The following ARHGAP33 variants were observed in gnomAD, a reference collection of about 807,000 sequenced individuals.
ARHGAP33 encodes the protein Rho GTPase activating protein 33.
In ARHGAP33, 57 loss-of-function variants were observed where a neutral mutation model predicts 126.2. The observed-to-expected ratio is 0.45, with a 90% CI of 0.36 to 0.56. ARHGAP33 has a LOEUF of 0.56. ARHGAP33 is among the 20% of genes least tolerant of loss of function. The pLI, the probability that ARHGAP33 is intolerant of heterozygous loss-of-function variation, is 0.00. For synonymous variants in ARHGAP33, 711 were observed against 755.0 expected, an observed-to-expected ratio of 0.94 and a Z score of 0.95; for missense variants, 1,500 against 1,748.3, an observed-to-expected ratio of 0.86 and a Z score of 2.53.
chr19:35,785,360 G>A (rs1179057440), intron 18 of ARHGAP33, 26 bp downstream of exon 18: 12 of 1,614,040 alleles, frequency 7.4e-6, no homozygotes, highest in East Asian at 2.2e-5. Flanking sequence ...ATGGGCTGGT[G>A]GGCAGCGATG....
rs1338568810 is a variant in ARHGAP33, at chr19:35,787,307, A to G, written c.2742A>G (p.Gln914=). 1 of 1,612,552 alleles carries G rather than the reference A, an allele frequency of 6.2e-7. No homozygotes were observed. The highest frequency in any genetic ancestry group is 8.5e-7 in the Non-Finnish European group (1 of 1,179,488). ...LAERAQQVAE[Q]QSQQECGGTP... ...AGCGGGCTCAGCAGGTGGCCGAGCAACAGAGCCAGCAGGAGTGTGGGGGCA... is the reference window on the plus strand; with the variant it reads ...AGCGGGCTCAGCAGGTGGCCGAGCAGCAGAGCCAGCAGGAGTGTGGGGGCA... Residue 914 remains glutamine (Q), a synonymous_variant, in exon 21 of 21, where the codon CAA becomes CAG. Coordinates refer to ENST00000007510, the MANE Select transcript of ARHGAP33 (RefSeq NM_001366178.1).
chr19:35,786,316 C>T lies in ARHGAP33; in HGVS notation c.1943-97C>T. 1.4e-6 allele frequency: 2 copies of T among 1,448,324 alleles called. No homozygotes were observed. The highest frequency in any genetic ancestry group is 2.9e-5 in the South Asian group (2 of 68,966). 89.7% of individuals were successfully genotyped at this position (1,448,324 alleles called of 1,614,324 possible). A position where few individuals can be genotyped will look rare whatever the true frequency, so the allele number is the denominator to read the frequency against. ...CTTCCTGGCTTCACACTACTGTGGCCCTCTCCAGGAGGCGCCTCTTCATGT... is the reference window on the plus strand; with the variant it reads ...CTTCCTGGCTTCACACTACTGTGGCTCTCTCCAGGAGGCGCCTCTTCATGT... On this transcript the variant is annotated intron_variant, in intron 19 of 20. Coordinates refer to ENST00000007510, the MANE Select transcript of ARHGAP33 (RefSeq NM_001366178.1). This position sits in a 1 kb window ranked among gnomAD's most constrained non-coding sequence, Gnocchi z 7.0.
Position 35,787,333 on chromosome 19 carries a change from C to A in ARHGAP33, c.2768C>A (p.Thr923Asn). The change falls in exon 21 of 21, where the codon ACC (threonine) becomes AAC (asparagine). Residue 923 changes from threonine (T) to asparagine (N), a missense_variant. Around this residue, in one of 6 missense-constraint regions of ARHGAP33, gnomAD observed 642 missense variants for 634.0 expected, o/e 1.01. Coordinates refer to ENST00000007510, the MANE Select transcript of ARHGAP33 (RefSeq NM_001366178.1). ...EQQSQQECGGTPPASQSPFHR... is the reference protein window; with the variant it reads ...EQQSQQECGGNPPASQSPFHR... The stretch of plus-strand genomic sequence containing the variant: ...CAGAGCCAGCAGGAGTGTGGGGGCA[C>A]CCCACCTGCTTCCCAATCCCCCTTC... 3 of 1,611,586 alleles carry A rather than the reference C, an allele frequency of 1.9e-6. No individual in the cohort carries two copies. Among genetic ancestry groups the A allele is most frequent in the Non-Finnish European group, 2.5e-6 (3 of 1,178,886 alleles).
intron 19 of ARHGAP33, chr19:35,785,763 C>T (rs1285518947): frequency 6.3e-6 from 8 of 1,275,834 alleles, no homozygotes; most frequent in African/African-American, 1.5e-5. Flanking sequence ...CACCCATGAA[C>T]CCAGCAGCCA....
Position 35,780,192 on chromosome 19 carries a change from C to A in ARHGAP33, c.502-19C>A, listed in dbSNP as rs1034336650. On this transcript the variant is annotated intron_variant, in intron 6 of 20. Coordinates refer to ENST00000007510, the MANE Select transcript of ARHGAP33 (RefSeq NM_001366178.1). Reference sequence around the variant, plus strand: ...ACCGTCTTCTGACCTGTCCTTGCCACATTCCACCTCTATTTCAGCTGGACA... The same window carrying A: ...ACCGTCTTCTGACCTGTCCTTGCCAAATTCCACCTCTATTTCAGCTGGACA... 19 of 1,612,596 alleles carry A rather than the reference C, an allele frequency of 1.2e-5. No homozygotes were observed. The African/African-American group carries it at 2.4e-4, about 20-fold the overall frequency.
rs761978352 is a variant in ARHGAP33 at position 35,787,645 on chromosome 19, T to C, written c.3080T>C (p.Val1027Ala). ...TCCCCATGTTCTGTCCCCTCACAGGTTCCTACCCCCGGCTTCTTCTCCCCA... is the reference window on the plus strand; with the variant it reads ...TCCCCATGTTCTGTCCCCTCACAGGCTCCTACCCCCGGCTTCTTCTCCCCA... ...AQSPCSVPSQVPTPGFFSPAP... is the reference protein window; with the variant it reads ...AQSPCSVPSQAPTPGFFSPAP... The change falls in exon 21 of 21, where the codon GTT becomes GCT. Residue 1027 changes from valine (V) to alanine (A), a missense_variant. Coordinates refer to ENST00000007510, the MANE Select transcript of ARHGAP33 (RefSeq NM_001366178.1). The C allele has an allele frequency of 3.8e-6, 6 of 1,591,740 alleles. No individual in the cohort carries two copies. The highest frequency in any genetic ancestry group is 3.4e-5 in the South Asian group (3 of 87,752).
chr19:35,788,105 A>G lies in ARHGAP33; in HGVS notation c.3540A>G (p.Ser1180=), dbSNP rs751977187. Residue 1180 remains serine, a synonymous_variant, in exon 21 of 21, where the codon TCA becomes TCG. Transcript: ENST00000007510. ...TAGCTCTAGGGCCCAGGGGTCCCTC[A>G]CCTGCCTCTTCCTCCTCCTCTTCCC... ...VNLALGPRGP[S]PASSSSSSPP... 5.0e-6 allele frequency: 8 copies of G among 1,606,312 alleles called. No individual in the cohort carries two copies. Among genetic ancestry groups the G allele is most frequent in the Non-Finnish European group, 6.8e-6 (8 of 1,177,682 alleles).
Position 35,787,932 on chromosome 19 carries a change from G to T in ARHGAP33, c.3367G>T (p.Gly1123Cys). 6.3e-7 allele frequency: 1 copy of T among 1,587,212 alleles called. No homozygotes were observed. The highest frequency in any genetic ancestry group is 8.5e-7 in the Non-Finnish European group (1 of 1,170,984). The part of the protein sequence containing the change: ...DRLNASYGML[G>C]QSPPLHRSPD... ...GCTCAATGCCTCCTACGGCATGCTT[G>T]GCCAATCACCCCCACTCCACAGGTC... Residue 1123 changes from glycine to cysteine, a missense_variant, in exon 21 of 21, where the codon GGC (glycine) becomes TGC (cysteine). Physicochemically the swap from Gly to Cys is radical, Grantham distance 159. This residue lies in a region of ARHGAP33 where 642 missense variants were observed against 634.0 expected (regional missense o/e 1.01). Coordinates refer to ENST00000007510, the MANE Select transcript of ARHGAP33 (RefSeq NM_001366178.1).
Position 35,782,858 on chromosome 19 carries a change from C to A in ARHGAP33, c.1410C>A (p.Pro470=). 1 of 1,611,954 alleles carries A rather than the reference C, an allele frequency of 6.2e-7. No homozygotes were observed. The highest frequency in any genetic ancestry group is 2.2e-5 in the East Asian group (1 of 44,728). Reference sequence around the variant, plus strand: ...GCAACCTGGCCATTGTCTGGGCACCCAACCTGCTACGGTGAGCTGCTTGCT... The same window carrying A: ...GCAACCTGGCCATTGTCTGGGCACCAAACCTGCTACGGTGAGCTGCTTGCT... The part of the protein sequence containing the change: ...HARNLAIVWA[P]NLLRSMELES... Residue 470 remains proline, a synonymous_variant, in exon 15 of 21, where the codon CCC becomes CCA. Coordinates refer to ENST00000007510, the MANE Select transcript of ARHGAP33 (RefSeq NM_001366178.1). The surrounding 1 kb of genome is among the most constrained non-coding windows in gnomAD (Gnocchi z 4.1).
At chr19:35,777,165 G>A (rs231227) in intron 1 of ARHGAP33, among the ~76,000 whole-genome samples, 73,645 of 151,972 alleles carry the variant, frequency 0.48, 18,981 homozygotes, top group East Asian at 0.75. Context: ...TTCAGACTTC[G>A]TCTTGAAGAC....
chr19:35,781,535 A>C (rs924824358), intron 12 of ARHGAP33, among the ~76,000 whole-genome samples: 1 of 152,216 alleles, frequency 6.6e-6, no homozygotes, highest in Non-Finnish European at 1.5e-5. Flanking sequence ...GGCTAGAGGA[A>C]GAGACAAACA....
rs769143242 is a variant in ARHGAP33, at chr19:35,787,787, C to T, written c.3222C>T (p.Gly1074=). 30 of 1,577,968 alleles carry T rather than the reference C, an allele frequency of 1.9e-5. No homozygotes were observed. Among genetic ancestry groups the T allele is most frequent in the Non-Finnish European group, 2.4e-5 (28 of 1,166,884 alleles). ...SPAPVWRSSL[G]PPAPLDRGEN... is the part of the protein sequence containing the mutation. ...CCCCAGTCTGGAGGAGCTCTCTGGGCCCCCCTGCACCACTCGACAGGGGAG... is the reference window on the plus strand; with the variant it reads ...CCCCAGTCTGGAGGAGCTCTCTGGGTCCCCCTGCACCACTCGACAGGGGAG... The change falls in exon 21 of 21, where the codon GGC becomes GGT. Residue 1074 remains glycine (G), a synonymous_variant. Transcript: ENST00000007510.
intron 15 of ARHGAP33, among the ~76,000 whole-genome samples, chr19:35,783,439 G>A (rs1215481560): frequency 6.6e-6 from 1 of 152,198 alleles, no homozygotes; most frequent in Non-Finnish European, 1.5e-5. Flanking sequence ...AGTGGGTGAG[G>A]AAGACTGCAC....
Position 35,788,115 on chromosome 19 carries a change from T to G in ARHGAP33, c.3550T>G (p.Ser1184Ala), listed in dbSNP as rs768074571. The change falls in exon 21 of 21, where the codon TCC (serine) becomes GCC (alanine). Residue 1184 changes from serine (S) to alanine (A), a missense_variant. Transcript: ENST00000007510. ...GCCCAGGGGTCCCTCACCTGCCTCT[T>G]CCTCCTCCTCTTCCCCTCCTGCCCA... is the stretch of plus-strand genomic sequence containing the variant. Reference protein sequence around the residue: ...LGPRGPSPASSSSSSPPAHPR... With the variant: ...LGPRGPSPASASSSSPPAHPR... The G allele has an allele frequency of 1.2e-6, 2 of 1,610,010 alleles. No homozygotes were observed. Among genetic ancestry groups the G allele is most frequent in the Admixed American group, 3.3e-5 (2 of 59,800 alleles).
Position 35,787,486 on chromosome 19 carries a change from A to C in ARHGAP33, c.2921A>C (p.Gln974Pro). The C allele has an allele frequency of 6.2e-7, 1 of 1,612,470 alleles. No individual in the cohort carries two copies. The highest frequency in any genetic ancestry group is 8.5e-7 in the Non-Finnish European group (1 of 1,179,578). Residue 974 changes from glutamine (Q) to proline (P), a missense_variant, in exon 21 of 21, where the codon CAA (glutamine) becomes CCA (proline). Around this residue, in one of 6 missense-constraint regions of ARHGAP33, gnomAD observed 642 missense variants for 634.0 expected, o/e 1.01. Transcript: ENST00000007510. ...CCCCCACCCTACTTACCAAGGCAAC[A>C]AAGTGATGGGAGCCTGCTGAGGAGC... The part of the protein sequence containing the change: ...PGPPPYLPRQ[Q>P]SDGSLLRSQR...
At position 35,777,376 on chromosome 19, in the gene ARHGAP33, G is replaced by T. The variant is rs1323508759; in HGVS notation, c.7-269G>T. ...TGCAGGGGCTACGGAAGGGTTTTCAGCAGGGAGAGATGGGACCAGCATGCT... is the reference window on the plus strand; with the variant it reads ...TGCAGGGGCTACGGAAGGGTTTTCATCAGGGAGAGATGGGACCAGCATGCT... On this transcript the variant is annotated intron_variant, in intron 1 of 20. Transcript: ENST00000007510. Among the ~76,000 whole-genome samples, 4 of 152,120 alleles carry T rather than the reference G, an allele frequency of 2.6e-5. No individual in the cohort carries two copies. The South Asian group carries it at 6.2e-4, about 24-fold the overall frequency.
At position 35,787,794 on chromosome 19, in the gene ARHGAP33, G is replaced by T; in HGVS notation, c.3229G>T (p.Ala1077Ser). 1 of 1,596,862 alleles carries T rather than the reference G, an allele frequency of 6.3e-7. No individual in the cohort carries two copies. Among genetic ancestry groups the T allele is most frequent in the East Asian group, 2.2e-5 (1 of 44,762 alleles). Residue 1077 changes from alanine (A) to serine (S), a missense_variant, in exon 21 of 21, where the codon GCA (alanine) becomes TCA (serine). This residue lies in a region of ARHGAP33 where 642 missense variants were observed against 634.0 expected (regional missense o/e 1.01). Coordinates refer to ENST00000007510, the MANE Select transcript of ARHGAP33 (RefSeq NM_001366178.1). ...PVWRSSLGPPAPLDRGENLYY... is the reference protein window; with the variant it reads ...PVWRSSLGPPSPLDRGENLYY... ...CTGGAGGAGCTCTCTGGGCCCCCCT[G>T]CACCACTCGACAGGGGAGAGAACCT...
At position 35,787,932 on chromosome 19, in the gene ARHGAP33, G is replaced by A. The variant is rs1378098992; in HGVS notation, c.3367G>A (p.Gly1123Ser). 2 of 1,587,150 alleles carry A rather than the reference G, an allele frequency of 1.3e-6. No individual in the cohort carries two copies. The highest frequency in any genetic ancestry group is 1.5e-5 in the African/African-American group (1 of 68,596). ...DRLNASYGMLGQSPPLHRSPD... is the reference protein window; with the variant it reads ...DRLNASYGMLSQSPPLHRSPD... ...GCTCAATGCCTCCTACGGCATGCTT[G>A]GCCAATCACCCCCACTCCACAGGTC... The change falls in exon 21 of 21, where the codon GGC becomes AGC. Residue 1123 changes from glycine to serine, a missense_variant. Physicochemically the swap from Gly to Ser is moderately conservative, Grantham distance 56. Coordinates refer to ENST00000007510, the MANE Select transcript of ARHGAP33 (RefSeq NM_001366178.1).
chr19:35,788,444 G>C lies in ARHGAP33; in HGVS notation c.*15G>C. The C allele has an allele frequency of 6.6e-7, 1 of 1,510,994 alleles. No homozygotes were observed. The highest frequency in any genetic ancestry group is 8.9e-7 in the Non-Finnish European group (1 of 1,128,202). 93.6% of individuals were successfully genotyped at this position (1,510,994 alleles called of 1,614,324 possible). ...GCTACTGCTGAGCACCAGCTGGGAG[G>C]GGCCGTCCTTCCTTCCCTTCACCCT... On this transcript the variant is annotated 3_prime_UTR_variant, in exon 21 of 21. Transcript: ENST00000007510.
Sources: allele counts gnomAD v4.1 joint callset (sites outside exome capture counted in the v4.1 genomes callset), GRCh38; gene constraint gnomAD v4.1.1; regional missense constraint gnomAD v4.1.1; non-coding constraint Gnocchi (gnomAD v3.1); transcripts MANE v1.5; gene names NCBI Gene and HGNC (gene_info 2026-07-23, HGNC 2026-07-21).